Variants in MYH13 observed in about 807,000 individuals in gnomAD.
MYH13 encodes myosin-13.
Under a neutral mutation model 232.1 loss-of-function variants are expected in MYH13, and 177 were observed. That is an observed-to-expected ratio of 0.76 (90% CI 0.67 to 0.86). MYH13 has a LOEUF of 0.86. Ranked by LOEUF, MYH13 falls within the 40% of genes least tolerant of loss-of-function variation. The probability of loss-of-function intolerance (pLI) is 0.00; values close to 1 mark genes in which losing one functional copy is unlikely to be tolerated. For synonymous variants in MYH13, 884 were observed against 923.5 expected (o/e 0.96, Z 0.78); for missense variants, 2,246 against 2,405.9 (o/e 0.93, Z 1.39).
At chr17:10,323,620 A>G (rs186354920) in intron 23 of MYH13, among the ~76,000 whole-genome samples, 371 of 151,940 alleles carry the variant, frequency 2.4e-3, no homozygotes, top group Non-Finnish European at 4.3e-3. Flanking sequence ...TTAGCTGGGC[A>G]TGGTGGTGTG....
intron 12 of MYH13, among the ~76,000 whole-genome samples, chr17:10,349,191 C>T (rs1446572689): frequency 6.6e-6 from 1 of 152,122 alleles, no homozygotes; most frequent in Non-Finnish European, 1.5e-5. Context: ...CAACCTCCAC[C>T]TCCCGGGATC....
intron 20 of MYH13, 134 bp downstream of exon 20, chr17:10,331,965 C>G: frequency 1.9e-6 from 2 of 1,079,734 alleles, no homozygotes; most frequent in Non-Finnish European, 2.6e-6. Flanking sequence ...AGACACAGAG[C>G]TCCCCTTACC....
chr17:10,340,255 A>AATGTTTAG lies in MYH13; in HGVS notation c.1969-19_1969-18insCTAAACAT, dbSNP rs754464468. Reference sequence around the variant, plus strand: ...AAATTTTCCTGGGACATAAACCAAAACAAGCACATTTAGCAACTGCCATTT... The same window carrying AATGTTTAG: ...AAATTTTCCTGGGACATAAACCAAAAATGTTTAGCAAGCACATTTAGCAACTGCCATTT... On this transcript the variant is annotated intron_variant, in intron 17 of 40. Coordinates refer to ENST00000252172, the MANE Select transcript of MYH13 (RefSeq NM_003802.3). 6.2e-7 allele frequency: 1 copy of AATGTTTAG among 1,613,690 alleles called. No homozygotes were observed. The highest frequency in any genetic ancestry group is 1.3e-5 in the African/African-American group (1 of 74,920).
chr17:10,365,848 T>G (rs1048404584), intron 2 of MYH13, among the ~76,000 whole-genome samples: 1 of 83,162 alleles, frequency 1.2e-5, no homozygotes, highest in Admixed American at 1.2e-4. Context: ...ATGGTGTGTG[T>G]GTGTGTGTGT....
Position 10,345,604 on chromosome 17 carries a change from C to T in MYH13, c.1276G>A (p.Val426Met). The stretch of plus-strand genomic sequence containing the variant: ...TAGACGGCTTTGGCCAGAGCACCCA[C>T]CGAATTGGTCACCTTGAAAAAGGAT... ...GQNVQQVTNS[V>M]GALAKAVYEK... is the part of the protein sequence containing the mutation. Residue 426 changes from valine to methionine, a missense_variant, in exon 14 of 41, where the codon GTG (valine) becomes ATG (methionine). Transcript: ENST00000252172. 1.2e-6 allele frequency: 2 copies of T among 1,614,130 alleles called. No individual in the cohort carries two copies. Among genetic ancestry groups the T allele is most frequent in the South Asian group, 2.2e-5 (2 of 91,080 alleles).
Position 10,319,098 on chromosome 17 carries a change from C to T in MYH13, c.3430G>A (p.Ala1144Thr). Residue 1144 changes from alanine to threonine, a missense_variant, in exon 27 of 41, where the codon GCC becomes ACC. Ala to Thr is a moderately conservative substitution (Grantham distance 58). Transcript: ENST00000252172. The stretch of plus-strand genomic sequence containing the variant: ...TCGCTGATCTCCTCCAGTTCCCTGG[C>T]CAGATCTGAGCGCTGCTTCTCAATC... ...AKIEKQRSDL[A>T]RELEEISERL... The T allele has an allele frequency of 6.2e-7, 1 of 1,614,192 alleles. No individual in the cohort carries two copies. Among genetic ancestry groups the T allele is most frequent in the Non-Finnish European group, 8.5e-7 (1 of 1,180,036 alleles).
chr17:10,320,589 C>T (rs1325818393), intron 24 of MYH13, 93 bp from the exon 25 acceptor site: 7 of 1,394,272 alleles, frequency 5.0e-6, no homozygotes, highest in Non-Finnish European at 6.7e-6. Context: ...CTGGGGCTTC[C>T]TGGGGCTCCT....
chr17:10,330,500 C>G lies in MYH13; in HGVS notation c.2322G>C (p.Leu774=), dbSNP rs1406913403. 1.2e-6 allele frequency: 2 copies of G among 1,611,106 alleles called. No homozygotes were observed. The highest frequency in any genetic ancestry group is 4.5e-5 in the East Asian group (2 of 44,812). The change falls in exon 21 of 41, where the codon CTG becomes CTC. Residue 774 remains leucine (L), a synonymous_variant. Coordinates refer to ENST00000252172, the MANE Select transcript of MYH13 (RefSeq NM_003802.3). The part of the protein sequence containing the change: ...NTKVFFKAGL[L]GLLEEMRDEK... ...CATCTCTCATCTCCTCCAAAAGTCC[C>G]AGGAGCCCAGCTTTGAAAAACACCT...
In MYH13 at chr17:10,330,543, A is replaced by G; in HGVS notation, c.2299-20T>C. Reference sequence around the variant, plus strand: ...AAACACCTGCATTAAAAGACAGAGGAGCCTTGATCTTTTTCCCCAGCAGGC... The same window carrying G: ...AAACACCTGCATTAAAAGACAGAGGGGCCTTGATCTTTTTCCCCAGCAGGC... On this transcript the variant is annotated intron_variant, in intron 20 of 40. Transcript: ENST00000252172. 6.3e-7 allele frequency: 1 copy of G among 1,593,148 alleles called. No individual in the cohort carries two copies.
In MYH13 at chr17:10,355,096, C is replaced by T. The variant is rs775725161; in HGVS notation, c.790G>A (p.Asp264Asn). ...FGATGKLASA[D>N]IETYLLEKSR... ...TGTTTGGACTCACAAGTTTCGATGT[C>T]TGCCGATGCCAGCTTTCCTGTGGCT... Residue 264 changes from aspartate to asparagine, a missense_variant, in exon 9 of 41, where the codon GAC becomes AAC. By Grantham distance (23) the Asp-to-Asn change is conservative. Transcript: ENST00000252172. 8.1e-6 allele frequency: 13 copies of T among 1,597,888 alleles called. No individual in the cohort carries two copies. In the South Asian group the frequency reaches 1.4e-4, roughly 17 times the overall value.
intron 27 of MYH13, 127 bp from the exon 28 acceptor site, chr17:10,316,152 A>T (rs1906703392): frequency 1.6e-6 from 2 of 1,285,478 alleles, no homozygotes; most frequent in Non-Finnish European, 2.1e-6. Context: ...GAACAAAAAA[A>T]AGTTCAGTTT....
chr17:10,349,521 A>G (rs2071693787), intron 12 of MYH13, among the ~76,000 whole-genome samples: 1 of 152,032 alleles, frequency 6.6e-6, no homozygotes, highest in Non-Finnish European at 1.5e-5. Flanking sequence ...TGCCCCAGTC[A>G]GAAGTGTTTC....
At chr17:10,345,111 G>T (rs981270243) in intron 15 of MYH13, 91 bp downstream of exon 15, 2 of 1,603,924 alleles carry the variant, frequency 1.2e-6, no homozygotes, top group African/African-American at 2.7e-5. Context: ...TGGGGGCTAG[G>T]GGCCCCAATC....
At chr17:10,366,091 C>T (rs1170626058) in intron 2 of MYH13, among the ~76,000 whole-genome samples, 4 of 152,126 alleles carry the variant, frequency 2.6e-5, no homozygotes, top group Non-Finnish European at 4.4e-5. Flanking sequence ...CTCTGGTCCA[C>T]AGCCTCTTCC....
In MYH13 at chr17:10,324,215, T is replaced by C. The variant is rs1325140547; in HGVS notation, c.2741A>G (p.Lys914Arg). ...DAEERCEGLI[K>R]SKILLEAKVK... is the part of the protein sequence containing the mutation. ...TTTTGCTTCCAGTAGGATCTTGCTT[T>C]TGATGAGTCCTTCACACCGTTCCTC... Residue 914 changes from lysine (K) to arginine (R), a missense_variant, in exon 23 of 41, where the codon AAA (lysine) becomes AGA (arginine). By Grantham distance (26) the Lys-to-Arg change is conservative. Transcript: ENST00000252172. 1 of 1,614,006 alleles carries C rather than the reference T, an allele frequency of 6.2e-7. No individual in the cohort carries two copies. Among genetic ancestry groups the C allele is most frequent in the Non-Finnish European group, 8.5e-7 (1 of 1,179,890 alleles).
chr17:10,344,659 AAG>A (rs1432644170), intron 15 of MYH13, among the ~76,000 whole-genome samples: 1 of 151,502 alleles, frequency 6.6e-6, no homozygotes, highest in Non-Finnish European at 1.5e-5. Flanking sequence ...CTACAAAAAA[AAG>A]AAAAAAAAAA....
intron 22 of MYH13, chr17:10,324,758 T>TTTTTTG (rs1907140051): frequency 3.8e-5 from 2 of 52,280 alleles, no homozygotes; most frequent in Non-Finnish European, 5.2e-5. Flanking sequence ...ATATACATGT[T>TTTTTTG]TTTTTTTTTT....
At position 10,362,133 on chromosome 17, in the gene MYH13, G is replaced by A; in HGVS notation, c.490C>T (p.Gln164Ter). Residue 164 changes from glutamine (Q) to a stop codon, truncating the protein, a stop_gained, in exon 5 of 41, where the codon CAG (glutamine) becomes TAG (stop). Coordinates refer to ENST00000252172, the MANE Select transcript of MYH13 (RefSeq NM_003802.3). LOFTEE classifies it high-confidence loss of function. Reference protein sequence around the residue: ...HIFSISDNAYQFMLTDRDNQS... With the variant: ...HIFSISDNAY ...AATTACTCACCAGTCAGCATGAACTGATAGGCATTGTCAGAGATGGAGAAG... is the reference window on the plus strand; with the variant it reads ...AATTACTCACCAGTCAGCATGAACTAATAGGCATTGTCAGAGATGGAGAAG... 1 of 1,613,948 alleles carries A rather than the reference G, an allele frequency of 6.2e-7. No homozygotes were observed. The highest frequency in any genetic ancestry group is 8.5e-7 in the Non-Finnish European group (1 of 1,179,870).
At chr17:10,322,910 G>A (rs1033159009) in intron 23 of MYH13, among the ~76,000 whole-genome samples, 3 of 152,158 alleles carry the variant, frequency 2.0e-5, no homozygotes, top group Non-Finnish European at 2.9e-5. Flanking sequence ...TGGGATTACA[G>A]GCATAAGCCA....
Sources: allele counts gnomAD v4.1 joint callset (sites outside exome capture counted in the v4.1 genomes callset), GRCh38; gene constraint gnomAD v4.1.1; transcripts MANE v1.5; gene names NCBI Gene and HGNC (gene_info 2026-07-23, HGNC 2026-07-21).